Variants in NRG1 observed in about 807,000 individuals in gnomAD.
NRG1 encodes the protein neuregulin 1.
Under a neutral mutation model 63.8 loss-of-function variants are expected in NRG1, and 18 were observed. The observed-to-expected ratio is 0.28, with a 90% confidence interval of 0.19 to 0.42. NRG1 has a LOEUF of 0.42. NRG1 is among the 10% of genes least tolerant of loss of function. NRG1 has a pLI of 1.00. For missense variants in NRG1, 762 were observed against 814.7 expected, an observed-to-expected ratio of 0.94 and a Z score of 0.79; for synonymous variants, 302 against 301.3, an observed-to-expected ratio of 1.00 and a Z score of -0.02.
At chr8:32,207,183 T>A (rs941108670) in intron 1 of NRG1, among the ~76,000 whole-genome samples, 2 of 152,134 alleles carry the variant, frequency 1.3e-5, no homozygotes, top group Non-Finnish European at 2.9e-5. Context: ...AACATGACAG[T>A]CTCTGGGGTA....
chr8:31,746,182 A>G (rs2131428657), intron 1 of NRG1, among the ~76,000 whole-genome samples: 1 of 152,078 alleles, frequency 6.6e-6, no homozygotes, highest in South Asian at 2.1e-4. Flanking sequence ...GAGAACAAAA[A>G]CTGCCCTAGG....
intron 1 of NRG1, among the ~76,000 whole-genome samples, chr8:31,834,283 C>T (rs1825454737): frequency 6.5e-5 from 3 of 45,872 alleles, no homozygotes; most frequent in Non-Finnish European, 1.5e-4. Flanking sequence ...GTAGATCTCC[C>T]TTCATGCGTG....
intron 1 of NRG1, among the ~76,000 whole-genome samples, chr8:32,384,310 G>A (rs1471503083): frequency 1.3e-5 from 2 of 152,124 alleles, no homozygotes; most frequent in Non-Finnish European, 2.9e-5. Flanking sequence ...CAATACTAAC[G>A]ACAAATAATA....
intron 1 of NRG1, among the ~76,000 whole-genome samples, chr8:32,575,399 C>T (rs1481311491): frequency 6.7e-6 from 1 of 150,274 alleles, no homozygotes; most frequent in Non-Finnish European, 1.5e-5. Flanking sequence ...TTGCCTAATA[C>T]TATAAAAGTT....
intron 1 of NRG1, among the ~76,000 whole-genome samples, chr8:31,987,033 C>T (rs929920574): frequency 5.3e-5 from 8 of 152,070 alleles, no homozygotes; most frequent in Admixed American, 5.2e-4. Context: ...AGCATGGTGG[C>T]TCACGCCTAT....
intron 1 of NRG1, among the ~76,000 whole-genome samples, chr8:32,050,764 T>A (rs1821852998): frequency 6.6e-6 from 1 of 152,162 alleles, no homozygotes; most frequent in Non-Finnish European, 1.5e-5. Flanking sequence ...GATAAGAGGT[T>A]ATCTTTGGGG....
At chr8:32,015,443 T>A (rs535496746) in intron 1 of NRG1, among the ~76,000 whole-genome samples, 1 of 152,284 alleles carries the variant, frequency 6.6e-6, no homozygotes, top group East Asian at 1.9e-4. Context: ...ATTGTATTTC[T>A]TTAGGGGAAG....
intron 1 of NRG1, among the ~76,000 whole-genome samples, chr8:32,574,937 T>A (rs1293522266): frequency 2.0e-5 from 3 of 152,190 alleles, no homozygotes; most frequent in Non-Finnish European, 4.4e-5. Context: ...AATGCCAGAT[T>A]GTGAGAGAAT....
At chr8:32,085,041 G>GT (rs1828014908) in intron 1 of NRG1, among the ~76,000 whole-genome samples, 1 of 152,092 alleles carries the variant, frequency 6.6e-6, no homozygotes. Context: ...ATGCGCAAGC[G>GT]TAACTGCTGG....
At chr8:31,809,446 G>T (rs914145959) in intron 1 of NRG1, among the ~76,000 whole-genome samples, 3 of 147,884 alleles carry the variant, frequency 2.0e-5, no homozygotes, top group African/African-American at 7.4e-5. Context: ...CAAACGTTAG[G>T]ATTTCTGTTT....
chr8:32,516,073 T>C (rs946984945), intron 1 of NRG1, among the ~76,000 whole-genome samples: 1 of 152,340 alleles, frequency 6.6e-6, no homozygotes, highest in South Asian at 2.1e-4. Context: ...TTAATTCATC[T>C]TAATTTTTGT....
intron 1 of NRG1, among the ~76,000 whole-genome samples, chr8:31,877,455 G>A (rs1231247521): frequency 6.6e-6 from 1 of 151,354 alleles, no homozygotes; most frequent in Non-Finnish European, 1.5e-5. Flanking sequence ...CTCTCTCTCT[G>A]TCTCTGTGTC....
chr8:31,873,811 C>G (rs759476419), intron 1 of NRG1, among the ~76,000 whole-genome samples: 13 of 152,144 alleles, frequency 8.5e-5, no homozygotes, highest in Non-Finnish European at 1.8e-4. Context: ...TTAAAATATT[C>G]CCAAAGTGGC....
chr8:31,856,613 CGTCAAA>C (rs1827901783), intron 1 of NRG1, among the ~76,000 whole-genome samples: 1 of 152,174 alleles, frequency 6.6e-6, no homozygotes, highest in Non-Finnish European at 1.5e-5. Flanking sequence ...TCTCTCCGCT[CGTCAAA>C]GTCATTCTCC....
In NRG1 at chr8:32,159,851, G is replaced by C. The variant is rs142340031; in HGVS notation, c.38-435977G>C. Among the ~76,000 whole-genome samples, 19 of 152,202 alleles carry C rather than the reference G, an allele frequency of 1.2e-4. 1 individual carries two copies. In the East Asian group the frequency reaches 3.7e-3, roughly 29 times the overall value. Reference sequence around the variant, plus strand: ...TAATATATATTTTTAGAGATCAACCGTTTCATGATGTGCTGGAATGGGATG... The same window carrying C: ...TAATATATATTTTTAGAGATCAACCCTTTCATGATGTGCTGGAATGGGATG... On this transcript the variant is annotated intron_variant, in intron 1 of 10. Transcript: ENST00000519301.
intron 1 of NRG1, among the ~76,000 whole-genome samples, chr8:31,679,618 A>G (rs993855739): frequency 6.6e-6 from 1 of 152,154 alleles, no homozygotes; most frequent in African/African-American, 2.4e-5. Flanking sequence ...TGAAACATTG[A>G]AAGTATTCTT....
At chr8:32,459,860 C>T (rs1358026190) in intron 1 of NRG1, among the ~76,000 whole-genome samples, 1 of 152,204 alleles carries the variant, frequency 6.6e-6, no homozygotes, top group Non-Finnish European at 1.5e-5. Context: ...ACTTTCTCCT[C>T]AGATCTGCAA....
At chr8:32,059,838 A>G (rs2130898518) in intron 1 of NRG1, among the ~76,000 whole-genome samples, 1 of 151,826 alleles carries the variant, frequency 6.6e-6, no homozygotes, top group East Asian at 1.9e-4. Context: ...TTTCTTTAAT[A>G]TGTTCTCGCC....
rs144360259 is a variant in NRG1, at chr8:32,511,729, A to G, written c.38-84099A>G. 3.1e-3 allele frequency among the ~76,000 whole-genome samples: 475 copies of G among 152,288 alleles called. 1 individual carries two copies. Among genetic ancestry groups the G allele is most frequent in the African/African-American group, 0.01 (420 of 41,562 alleles). ...GCCATACGTGCTCATGGATAAAAAC[A>G]ATAAGAACTCTTTATTAATATAAAT... On this transcript the variant is annotated intron_variant, in intron 1 of 10. Coordinates refer to the NRG1 transcript ENST00000519301.
Sources: allele counts gnomAD v4.1 joint callset (sites outside exome capture counted in the v4.1 genomes callset), GRCh38; gene constraint gnomAD v4.1.1; transcripts MANE v1.5; gene names NCBI Gene and HGNC (gene_info 2026-07-23, HGNC 2026-07-21).